Variants in MIS18BP1 observed in about 807,000 individuals in gnomAD.
The protein encoded by MIS18BP1 is MIS18 binding protein 1, also known as mis18-binding protein 1.
MIS18BP1 carries 72 observed loss-of-function variants against 116.1 expected under a neutral mutation model. That is an observed-to-expected ratio of 0.62 (90% CI 0.51 to 0.75). The LOEUF is 0.75. MIS18BP1 is among the 30% of genes least tolerant of loss of function. MIS18BP1 has a pLI of 0.00. For missense variants in MIS18BP1, 1,363 were observed against 1,303.2 expected (o/e 1.05, Z -0.71); for synonymous variants, 386 against 427.0 (o/e 0.90, Z 1.18).
At position 45,242,098 on chromosome 14, in the gene MIS18BP1, T is replaced by C. The variant is rs774472886; in HGVS notation, c.1079A>G (p.Asn360Ser). The C allele has an allele frequency of 2.7e-5, 44 of 1,613,800 alleles. No individual in the cohort carries two copies. The South Asian group carries it at 4.2e-4, about 15-fold the overall frequency. ...TCTTGGAGGAGAAAGCTTTGAAATA[T>C]TTCTTTTTGACCTCCGAGGTATTGT... ...HITIPRRSKR[N>S]ISKLSPPRIF... The change falls in exon 4 of 17, where the codon AAT becomes AGT. Residue 360 changes from asparagine (N) to serine (S), a missense_variant. Coordinates refer to ENST00000310806, the MANE Select transcript of MIS18BP1 (RefSeq NM_018353.5).
intron 1 of MIS18BP1, among the ~76,000 whole-genome samples, chr14:45,251,624 T>C (rs545585047): frequency 6.6e-6 from 1 of 152,078 alleles, no homozygotes; most frequent in Non-Finnish European, 1.5e-5. Flanking sequence ...AGGCAAATGA[T>C]ACACTTGAAA....
chr14:45,225,530 T>C (rs1340004239), intron 10 of MIS18BP1, among the ~76,000 whole-genome samples: 1 of 152,156 alleles, frequency 6.6e-6, no homozygotes, highest in East Asian at 1.9e-4. Context: ...CTAAGTATTA[T>C]ATGAGCTGTG....
intron 13 of MIS18BP1, among the ~76,000 whole-genome samples, chr14:45,215,243 A>T (rs995918535): frequency 2.6e-5 from 4 of 152,126 alleles, no homozygotes; most frequent in Non-Finnish European, 5.9e-5. Context: ...GGGCCCAGTT[A>T]ATGATGTTAT....
intron 2 of MIS18BP1, 125 bp from the exon 3 acceptor site, chr14:45,242,999 T>A: frequency 1.7e-6 from 1 of 597,782 alleles, no homozygotes; most frequent in Non-Finnish European, 2.9e-6. Flanking sequence ...GTATAGTACT[T>A]TTGCAATATA....
Position 45,231,710 on chromosome 14 carries a change from A to G in MIS18BP1, c.1437-412T>C, listed in dbSNP as rs528136203. Among the ~76,000 whole-genome samples, 8 of 152,342 alleles carry G rather than the reference A, an allele frequency of 5.3e-5. No homozygotes were observed. The East Asian group carries it at 1.3e-3, about 26-fold the overall frequency. On this transcript the variant is annotated intron_variant, in intron 7 of 16. Transcript: ENST00000310806. ...GAGTTGAATAGCTGCAATAGGGGCAATATGCCTGCAAGAATATTATCTTTA... is the reference window on the plus strand; with the variant it reads ...GAGTTGAATAGCTGCAATAGGGGCAGTATGCCTGCAAGAATATTATCTTTA...
At chr14:45,215,968 T>G (rs1890807748) in intron 13 of MIS18BP1, among the ~76,000 whole-genome samples, 1 of 152,184 alleles carries the variant, frequency 6.6e-6, no homozygotes, top group Admixed American at 6.5e-5. Flanking sequence ...CCTCCCAAAG[T>G]GCTGGGATTA....
Position 45,210,894 on chromosome 14 carries a change from CAG to C in MIS18BP1, c.3004-368_3004-367del, listed in dbSNP as rs776551826. On this transcript the variant is annotated intron_variant, in intron 13 of 16. Coordinates refer to ENST00000310806, the MANE Select transcript of MIS18BP1 (RefSeq NM_018353.5). ...ATAAACCCTGGGTCTGGGGGGATAA[CAG>C]TGCCCAAATCCACCATCTTGAGGCC... Among the ~76,000 whole-genome samples the C allele has an allele frequency of 3.5e-4, 54 of 152,310 alleles. No homozygotes were observed. The Middle Eastern group carries it at 0.014, about 38-fold the overall frequency.
intron 11 of MIS18BP1, 128 bp from the exon 12 acceptor site, chr14:45,218,582 G>A: frequency 6.9e-6 from 6 of 873,360 alleles, no homozygotes; most frequent in Non-Finnish European, 9.9e-6. Flanking sequence ...AATCATTCTG[G>A]ATAACAATTA....
In MIS18BP1 at chr14:45,231,192, C is replaced by G; in HGVS notation, c.1543G>C (p.Asp515His). ...MKNDARENQT[D>H]TAQRATTTYD... The stretch of plus-strand genomic sequence containing the variant: ...GTGGTGGTGGCTCTTTGAGCAGTAT[C>G]TGTTTGGTTTTCTCGTGCATCATTT... The change falls in exon 8 of 17, where the codon GAT (aspartate) becomes CAT (histidine). Residue 515 changes from aspartate to histidine, a missense_variant. By Grantham distance (81) the Asp-to-His change is moderately conservative. Transcript: ENST00000310806. 6.2e-7 allele frequency: 1 copy of G among 1,613,980 alleles called. No individual in the cohort carries two copies. Among genetic ancestry groups the G allele is most frequent in the Non-Finnish European group, 8.5e-7 (1 of 1,179,942 alleles).
chr14:45,220,456 C>T lies in MIS18BP1; in HGVS notation c.2670-2002G>A, dbSNP rs116123590. Among the ~76,000 whole-genome samples, 559 of 152,208 alleles carry T rather than the reference C, an allele frequency of 3.7e-3. 4 individuals carry two copies. Among genetic ancestry groups the T allele is most frequent in the African/African-American group, 0.013 (523 of 41,532 alleles). ...GGCCTAGGGGGAGGTGATTGGTTAA[C>T]GGAGGTAGATTCCTCATGAATGATT... On this transcript the variant is annotated intron_variant, in intron 11 of 16. Coordinates refer to ENST00000310806, the MANE Select transcript of MIS18BP1 (RefSeq NM_018353.5).
intron 5 of MIS18BP1, 97 bp from the exon 6 acceptor site, chr14:45,236,041 T>C: frequency 9.2e-7 from 1 of 1,086,036 alleles, no homozygotes; most frequent in South Asian, 1.5e-5. Flanking sequence ...ACACTAAGAA[T>C]GTTATTAGTC....
intron 14 of MIS18BP1, among the ~76,000 whole-genome samples, chr14:45,208,962 C>CT (rs1395448777): frequency 6.6e-6 from 1 of 151,974 alleles, no homozygotes; most frequent in African/African-American, 2.4e-5. Flanking sequence ...TATTTTCCAT[C>CT]TTTTTTTGGT....
At chr14:45,215,036 C>A (rs1890777752) in intron 13 of MIS18BP1, among the ~76,000 whole-genome samples, 1 of 152,206 alleles carries the variant, frequency 6.6e-6, no homozygotes, top group East Asian at 1.9e-4. Context: ...CAGGCGTGAG[C>A]CACCATGCCC....
intron 14 of MIS18BP1, among the ~76,000 whole-genome samples, chr14:45,209,903 A>G (rs997070672): frequency 3.3e-5 from 5 of 152,340 alleles, no homozygotes; most frequent in African/African-American, 4.8e-5. Flanking sequence ...TATTACGGAA[A>G]TTAGCCTTTT....
intron 13 of MIS18BP1, among the ~76,000 whole-genome samples, chr14:45,216,335 T>C (rs1209752915): frequency 6.6e-6 from 1 of 152,226 alleles, no homozygotes; most frequent in Non-Finnish European, 1.5e-5. Context: ...ATTGCTTCTG[T>C]TAGCAGTGGA....
intron 1 of MIS18BP1, among the ~76,000 whole-genome samples, chr14:45,248,104 T>A (rs1891775053): frequency 6.6e-6 from 1 of 150,906 alleles, no homozygotes; most frequent in Non-Finnish European, 1.5e-5. Context: ...TCCCTCTTGT[T>A]GCCCAGGCTG....
chr14:45,251,149 C>T (rs1352571706), intron 1 of MIS18BP1, among the ~76,000 whole-genome samples: 2 of 151,678 alleles, frequency 1.3e-5, no homozygotes, highest in Non-Finnish European at 2.9e-5. Flanking sequence ...TTTTGGTGTA[C>T]CTTTTTTTTA....
intron 6 of MIS18BP1, 91 bp downstream of exon 6, chr14:45,235,723 A>G: frequency 1.8e-6 from 2 of 1,111,444 alleles, no homozygotes; most frequent in East Asian, 2.8e-5. Context: ...AAAATACCTA[A>G]TTAAAAGTTA....
rs916886345 is a variant in MIS18BP1, at chr14:45,242,325, A to G, written c.852T>C (p.Asn284=). ...TACAATTAGTACTGAGAGTCTCAGC[A>G]TTAGTATTTTGAAATTGTTCATCAG... ...DSADEQFQNT[N]AETLSTNCIP... Residue 284 remains asparagine, a synonymous_variant, in exon 4 of 17, where the codon AAT becomes AAC. Coordinates refer to ENST00000310806, the MANE Select transcript of MIS18BP1 (RefSeq NM_018353.5). The G allele has an allele frequency of 6.2e-7, 1 of 1,614,026 alleles. No homozygotes were observed. The highest frequency in any genetic ancestry group is 1.3e-5 in the African/African-American group (1 of 75,036).
Sources: gnomAD v4.1 joint callset for allele counts (sites outside exome capture counted in the v4.1 genomes callset) on GRCh38, gnomAD v4.1.1 for gene constraint, MANE v1.5 for transcripts, NCBI Gene and HGNC (gene_info 2026-07-23, HGNC 2026-07-21) for gene names.